Variants in CADPS2 observed in about 807,000 individuals in gnomAD.
The protein encoded by CADPS2 is calcium dependent secretion activator 2.
In CADPS2, 93 loss-of-function variants were observed where a neutral mutation model predicts 172.5. The ratio of observed to expected loss-of-function variants is 0.54; its 90% CI spans 0.46 to 0.64. CADPS2 has a LOEUF of 0.64. Ranked by LOEUF, CADPS2 falls within the 30% of genes least tolerant of loss-of-function variation. The pLI, the probability that CADPS2 is intolerant of heterozygous loss-of-function variation, is 0.00. For synonymous variants in CADPS2, 546 were observed against 555.2 expected (o/e 0.98, Z 0.23); for missense variants, 1,420 against 1,565.9 (o/e 0.91, Z 1.57).
intron 1 of CADPS2, among the ~76,000 whole-genome samples, chr7:122,848,232 G>C (rs1001212895): frequency 6.6e-6 from 1 of 152,184 alleles, no homozygotes; most frequent in Non-Finnish European, 1.5e-5. Context: ...TAAGAGAGGA[G>C]TACCCAGTAA....
intron 1 of CADPS2, among the ~76,000 whole-genome samples, chr7:122,833,258 GTAC>G (rs1244855941): frequency 3.9e-5 from 6 of 152,134 alleles, no homozygotes; most frequent in Non-Finnish European, 8.8e-5. Flanking sequence ...GCTGTTTTAA[GTAC>G]TACTAAAATT....
chr7:122,870,716 A>G (rs1819541930), intron 1 of CADPS2, among the ~76,000 whole-genome samples: 1 of 152,056 alleles, frequency 6.6e-6, no homozygotes, highest in African/African-American at 2.4e-5. Context: ...ACATAGATTA[A>G]AGCATCACAT....
chr7:122,837,854 G>T (rs1005279723), intron 1 of CADPS2, among the ~76,000 whole-genome samples: 1 of 152,142 alleles, frequency 6.6e-6, no homozygotes, highest in Non-Finnish European at 1.5e-5. Context: ...AGAGGTACAA[G>T]GAGGAGCTGG....
intron 1 of CADPS2, among the ~76,000 whole-genome samples, chr7:122,750,547 G>A (rs2092908882): frequency 6.6e-6 from 1 of 151,986 alleles, no homozygotes; most frequent in African/African-American, 2.4e-5. Flanking sequence ...GCTCCAGTCA[G>A]CTCCAATTTC....
intron 9 of CADPS2, among the ~76,000 whole-genome samples, chr7:122,504,758 T>G (rs2130580010): frequency 6.6e-6 from 1 of 152,020 alleles, no homozygotes; most frequent in East Asian, 1.9e-4. Flanking sequence ...AGACATGGGG[T>G]CTCACTACGT....
intron 24 of CADPS2, among the ~76,000 whole-genome samples, chr7:122,386,593 C>T (rs1272510728): frequency 6.6e-6 from 1 of 151,940 alleles, no homozygotes; most frequent in Non-Finnish European, 1.5e-5. Context: ...ATTTTTAAGT[C>T]TATTTCAACC....
intron 1 of CADPS2, among the ~76,000 whole-genome samples, chr7:122,855,713 C>T (rs1423914004): frequency 5.9e-5 from 9 of 152,166 alleles, no homozygotes; most frequent in African/African-American, 2.2e-4. Context: ...GAAAAGAATG[C>T]AGACTGCTTC....
chr7:122,419,193 G>A (rs1301984454), intron 17 of CADPS2, among the ~76,000 whole-genome samples: 1 of 152,162 alleles, frequency 6.6e-6, no homozygotes, highest in East Asian at 1.9e-4. Context: ...ATAATTATGG[G>A]AGGAAAAGAA....
At chr7:122,747,816 T>C (rs1420652508) in intron 1 of CADPS2, among the ~76,000 whole-genome samples, 1 of 139,020 alleles carries the variant, frequency 7.2e-6, no homozygotes, top group African/African-American at 3.0e-5. Context: ...GTCCCATTCA[T>C]GTTGTTTATG....
At chr7:122,727,625 G>A (rs1356613995) in intron 2 of CADPS2, among the ~76,000 whole-genome samples, 1 of 151,792 alleles carries the variant, frequency 6.6e-6, no homozygotes, top group Non-Finnish European at 1.5e-5. Context: ...CAAACAAGAT[G>A]TTTTCCTCAG....
At chr7:122,324,854 T>C (rs758055276) in intron 29 of CADPS2, among the ~76,000 whole-genome samples, 3 of 152,306 alleles carry the variant, frequency 2.0e-5, no homozygotes, top group Non-Finnish European at 2.9e-5. Context: ...TATTATTTTA[T>C]AGATCTTACT....
chr7:122,365,197 C>T (rs2040696887), intron 25 of CADPS2, among the ~76,000 whole-genome samples: 1 of 152,180 alleles, frequency 6.6e-6, no homozygotes, highest in Admixed American at 6.5e-5. Flanking sequence ...GCATTCATGT[C>T]TCAGCATTCT....
intron 1 of CADPS2, among the ~76,000 whole-genome samples, chr7:122,822,933 T>G (rs576586840): frequency 2.0e-5 from 3 of 152,062 alleles, no homozygotes; most frequent in Non-Finnish European, 4.4e-5. Context: ...TGCACCCAGG[T>G]GAAATAAACA....
At chr7:122,424,888 T>C (rs988109378) in intron 17 of CADPS2, among the ~76,000 whole-genome samples, 1 of 152,200 alleles carries the variant, frequency 6.6e-6, no homozygotes, top group Non-Finnish European at 1.5e-5. Context: ...TTGCTCTGGA[T>C]AGCTCTGGAT....
intron 6 of CADPS2, among the ~76,000 whole-genome samples, chr7:122,596,900 T>C (rs558519267): frequency 1.1e-4 from 16 of 152,114 alleles, no homozygotes; most frequent in African/African-American, 2.9e-4. Context: ...TGGGTCATGA[T>C]TGAGCTGGCT....
At chr7:122,657,630 G>C (rs572241084) in intron 3 of CADPS2, among the ~76,000 whole-genome samples, 8 of 152,242 alleles carry the variant, frequency 5.3e-5, no homozygotes, top group Non-Finnish European at 7.4e-5. Flanking sequence ...TGGTGTATAA[G>C]AATGCTTGTG....
At chr7:122,859,447 C>G (rs1386845882) in intron 1 of CADPS2, among the ~76,000 whole-genome samples, 4 of 152,058 alleles carry the variant, frequency 2.6e-5, no homozygotes, top group Admixed American at 6.6e-5. Flanking sequence ...TTCATCATAT[C>G]AAGGTCATTT....
chr7:122,877,706 A>G (rs531751540), intron 1 of CADPS2, among the ~76,000 whole-genome samples: 1 of 152,312 alleles, frequency 6.6e-6, no homozygotes, highest in South Asian at 2.1e-4. Flanking sequence ...CTAATTGAAG[A>G]TATCGTATGC....
intron 17 of CADPS2, among the ~76,000 whole-genome samples, chr7:122,419,591 C>G (rs1227807694): frequency 6.6e-6 from 1 of 152,062 alleles, no homozygotes; most frequent in East Asian, 1.9e-4. Flanking sequence ...AAGACCGTAT[C>G]TTTCATCAGA....
Sources: gnomAD v4.1 joint callset for allele counts (sites outside exome capture counted in the v4.1 genomes callset) on GRCh38, gnomAD v4.1.1 for gene constraint, MANE v1.5 for transcripts, NCBI Gene and HGNC (gene_info 2026-07-23, HGNC 2026-07-21) for gene names.